Variants in RNFT2 observed in about 807,000 individuals in gnomAD.
RNFT2 encodes ring finger protein, transmembrane 2.
RNFT2 carries 36 observed loss-of-function variants against 53.0 expected under a neutral mutation model. The ratio of observed to expected loss-of-function variants is 0.68; its 90% CI spans 0.52 to 0.90. The LOEUF is 0.90. Ranked by LOEUF, RNFT2 falls within the 40% of genes least tolerant of loss-of-function variation. The pLI is 0.00. For missense variants in RNFT2, 514 were observed against 585.6 expected, an observed-to-expected ratio of 0.88 and a Z score of 1.26; for synonymous variants, 260 against 253.2, an observed-to-expected ratio of 1.03 and a Z score of -0.26.
At chr12:116,744,659 T>C (rs1406034293) in intron 3 of RNFT2, among the ~76,000 whole-genome samples, 1 of 152,216 alleles carries the variant, frequency 6.6e-6, no homozygotes, top group Non-Finnish European at 1.5e-5. Context: ...CCTCAAGCTC[T>C]GGCGCTTAAG....
intron 3 of RNFT2, among the ~76,000 whole-genome samples, chr12:116,747,347 T>C (rs984374492): frequency 3.9e-5 from 6 of 152,182 alleles, no homozygotes; most frequent in Admixed American, 3.9e-4. Flanking sequence ...TGAGCCACCA[T>C]GGCTGGTCTT....
At chr12:116,761,522 A>C (rs1180228785) in intron 5 of RNFT2, among the ~76,000 whole-genome samples, 1 of 152,090 alleles carries the variant, frequency 6.6e-6, no homozygotes, top group Non-Finnish European at 1.5e-5. Context: ...ATAGAGCTTC[A>C]CCACCATCCT....
At chr12:116,831,371 C>T (rs933286904) in intron 7 of RNFT2, among the ~76,000 whole-genome samples, 3 of 152,300 alleles carry the variant, frequency 2.0e-5, no homozygotes, top group Non-Finnish European at 4.4e-5. Context: ...AATGACTTCT[C>T]ACTGGGGATG....
intron 3 of RNFT2, among the ~76,000 whole-genome samples, chr12:116,742,378 C>T (rs1331881673): frequency 2.6e-5 from 4 of 151,666 alleles, no homozygotes; most frequent in African/African-American, 9.7e-5. Context: ...AGCAATCCTC[C>T]TACCTCTCAG....
Position 116,836,841 on chromosome 12 carries a change from A to T in RNFT2, c.1200+559A>T, listed in dbSNP as rs147841479. ...GCTACTCTGGAAGCTGAGGCAGGAGAATTGCTTGAACGCGGGAGGCAGAGG... is the reference window on the plus strand; with the variant it reads ...GCTACTCTGGAAGCTGAGGCAGGAGTATTGCTTGAACGCGGGAGGCAGAGG... On this transcript the variant is annotated intron_variant, in intron 10 of 10. Transcript: ENST00000257575. Among the ~76,000 whole-genome samples, 742 of 152,178 alleles carry T rather than the reference A, an allele frequency of 4.9e-3. 6 individuals carry two copies. The highest frequency in any genetic ancestry group is 0.017 in the African/African-American group (694 of 41,512).
intron 6 of RNFT2, among the ~76,000 whole-genome samples, chr12:116,775,717 T>C (rs1337421622): frequency 6.6e-6 from 1 of 152,184 alleles, no homozygotes; most frequent in Non-Finnish European, 1.5e-5. Flanking sequence ...ATTGGACATA[T>C]ATCACAATTA....
At chr12:116,792,390 T>C (rs570473915) in intron 7 of RNFT2, among the ~76,000 whole-genome samples, 1 of 152,144 alleles carries the variant, frequency 6.6e-6, no homozygotes, top group African/African-American at 2.4e-5. Flanking sequence ...AAAGTCCTCC[T>C]AAACCATTCA....
intron 3 of RNFT2, among the ~76,000 whole-genome samples, chr12:116,748,454 C>T (rs901552197): frequency 6.6e-6 from 1 of 152,188 alleles, no homozygotes; most frequent in Admixed American, 6.5e-5. Flanking sequence ...ACAGTTCCCA[C>T]GTATTGAGAA....
chr12:116,776,285 CA>C (rs1397741909), intron 6 of RNFT2, among the ~76,000 whole-genome samples: 1 of 151,906 alleles, frequency 6.6e-6, no homozygotes, highest in African/African-American at 2.4e-5. Flanking sequence ...AACTTGTGTC[CA>C]AGATAAAATG....
intron 7 of RNFT2, among the ~76,000 whole-genome samples, chr12:116,821,903 C>T (rs1256080368): frequency 6.3e-5 from 9 of 143,372 alleles, no homozygotes; most frequent in Non-Finnish European, 1.2e-4. Context: ...GGCGCAACCT[C>T]AGCCCACTGC....
At position 116,743,236 on chromosome 12, in the gene RNFT2, A is replaced by AAC. The variant is rs1566066760; in HGVS notation, c.83+2143_83+2144insCA. Among the ~76,000 whole-genome samples the AAC allele has an allele frequency of 5.3e-5, 6 of 113,714 alleles. 1 individual carries two copies. The highest frequency in any genetic ancestry group is 2.7e-4 in the South Asian group (1 of 3,654). The allele number at this position is 113,714 out of a possible 152,430, so 74.6% of individuals were successfully genotyped here. ...TCTAAAAAAAAAAAAAAAAAAAAAA[A>AAC]AAAAAAAACCGGTTAAAAAACACTC... On this transcript the variant is annotated intron_variant, in intron 3 of 10. Transcript: ENST00000257575.
intron 7 of RNFT2, among the ~76,000 whole-genome samples, chr12:116,819,598 A>G (rs1312961300): frequency 2.0e-5 from 3 of 152,108 alleles, no homozygotes; most frequent in Admixed American, 2.0e-4. Flanking sequence ...GAGGGGGATT[A>G]ATGGCTGCCG....
At chr12:116,781,847 C>T (rs10744884) in intron 7 of RNFT2, among the ~76,000 whole-genome samples, 120,856 of 151,650 alleles carry the variant, frequency 0.8, 49,970 homozygotes, top group Non-Finnish European at 0.9. Context: ...GAGGAAGAGG[C>T]GGGTGGACTG....
intron 3 of RNFT2, among the ~76,000 whole-genome samples, chr12:116,747,430 G>C (rs1871950822): frequency 6.6e-6 from 1 of 152,116 alleles, no homozygotes; most frequent in Non-Finnish European, 1.5e-5. Context: ...TACTCAGGAG[G>C]CTGAGGTGGG....
At chr12:116,810,565 C>T (rs537721544) in intron 7 of RNFT2, among the ~76,000 whole-genome samples, 2 of 152,230 alleles carry the variant, frequency 1.3e-5, no homozygotes, top group African/African-American at 2.4e-5. Context: ...GGGAGACTCA[C>T]GTTCTTGGCT....
chr12:116,789,621 T>G (rs1874125612), intron 7 of RNFT2, among the ~76,000 whole-genome samples: 1 of 132,574 alleles, frequency 7.5e-6, no homozygotes, highest in Non-Finnish European at 1.5e-5. Context: ...GGTAGATGGA[T>G]GGATGGGAGG....
At chr12:116,809,906 C>T (rs1156286055) in intron 7 of RNFT2, among the ~76,000 whole-genome samples, 2 of 152,136 alleles carry the variant, frequency 1.3e-5, no homozygotes, top group South Asian at 4.1e-4. Context: ...AACTCCCAAC[C>T]TCAGATGATC....
At chr12:116,807,967 A>T (rs914803712) in intron 7 of RNFT2, among the ~76,000 whole-genome samples, 1 of 151,902 alleles carries the variant, frequency 6.6e-6, no homozygotes, top group African/African-American at 2.4e-5. Flanking sequence ...CACTCAGCTA[A>T]TTTTTTAATT....
intron 10 of RNFT2, among the ~76,000 whole-genome samples, chr12:116,843,492 C>CA (rs35687933): frequency 0.76 from 49,422 of 65,164 alleles, 18,934 homozygotes; most frequent in Non-Finnish European, 0.82. Flanking sequence ...GACTGTGTCT[C>CA]AAAAAAAAAA....
Sources: allele counts gnomAD v4.1 joint callset (sites outside exome capture counted in the v4.1 genomes callset), GRCh38; gene constraint gnomAD v4.1.1; transcripts MANE v1.5; gene names NCBI Gene and HGNC (gene_info 2026-07-23, HGNC 2026-07-21).